Variants in CTSC observed in about 807,000 individuals in gnomAD.
The protein encoded by CTSC is dipeptidyl peptidase 1.
Under a neutral mutation model 40.9 loss-of-function variants are expected in CTSC, and 37 were observed. The ratio of observed to expected loss-of-function variants is 0.91; its 90% CI spans 0.70 to 1.19. The LOEUF (loss-of-function observed/expected upper bound fraction) is 1.19, where lower values mean the gene tolerates loss of function less well. Among genes scored for constraint, CTSC ranks in the 50% most tolerant of loss-of-function variants. CTSC has a pLI of 0.00. For missense variants in CTSC, 594 were observed against 567.3 expected, an observed-to-expected ratio of 1.05 and a Z score of -0.48; for synonymous variants, 232 against 207.4, an observed-to-expected ratio of 1.12 and a Z score of -1.02.
chr11:88,329,749 CAG>C (rs1361050157), intron 2 of CTSC, among the ~76,000 whole-genome samples: 7 of 152,128 alleles, frequency 4.6e-5, no homozygotes, highest in Non-Finnish European at 1.0e-4. Flanking sequence ...TGTTTGGAGA[CAG>C]AGTCTCACGC....
At chr11:88,337,430 T>C (rs1938530655) in intron 1 of CTSC, 71 bp downstream of exon 1, 5 of 1,461,436 alleles carry the variant, frequency 3.4e-6, no homozygotes, top group Admixed American at 2.0e-5. Context: ...AAGCGGTAGT[T>C]GGCGTGGCGC....
rs1442974773 is a variant in CTSC, at chr11:88,336,581, A to C, written c.172+920T>G. ...AAGTTACAATGTTCAGGATTATGAAATGCTATACAGTCAGTTAAAAAGGTA... is the reference window on the plus strand; with the variant it reads ...AAGTTACAATGTTCAGGATTATGAACTGCTATACAGTCAGTTAAAAAGGTA... On this transcript the variant is annotated intron_variant, in intron 1 of 6. Transcript: ENST00000227266. 2.6e-5 allele frequency among the ~76,000 whole-genome samples: 4 copies of C among 152,104 alleles called. No individual in the cohort carries two copies. In the East Asian group the frequency reaches 7.7e-4, roughly 29 times the overall value.
In CTSC at chr11:88,293,735, T is replaced by G. The variant is rs1339949209; in HGVS notation, c.*271A>C. ...ATTGATTTTAAAAAATATAGCATGT[T>G]TGAATTACAAATGATTAAGCAAACT... On this transcript the variant is annotated 3_prime_UTR_variant, in exon 7 of 7. Transcript: ENST00000227266. 1 of 455,546 alleles carries G rather than the reference T, an allele frequency of 2.2e-6. No individual in the cohort carries two copies. Among genetic ancestry groups the G allele is most frequent in the Non-Finnish European group, 4.0e-6 (1 of 252,848 alleles). 28.2% of individuals were successfully genotyped at this position (455,546 alleles called of 1,614,324 possible).
chr11:88,302,495 G>A (rs995087621), intron 4 of CTSC, among the ~76,000 whole-genome samples: 6 of 151,500 alleles, frequency 4.0e-5, no homozygotes, highest in Admixed American at 2.0e-4. Flanking sequence ...GCGTGGTGGC[G>A]GGTGCCTGTA....
At chr11:88,297,992 T>C (rs1944316483) in intron 5 of CTSC, 1 of 152,192 alleles carries the variant, frequency 6.6e-6, no homozygotes, top group South Asian at 2.1e-4. Context: ...GAGTCAGGAT[T>C]CTTTTTTTTC....
intron 4 of CTSC, 53 bp from the exon 5 acceptor site, chr11:88,300,698 G>A: frequency 8.8e-7 from 1 of 1,136,336 alleles, no homozygotes; most frequent in Non-Finnish European, 1.3e-6. Flanking sequence ...CTTTGAGGAT[G>A]ATTTCCTAAA....
chr11:88,332,282 TA>T (rs1263581497), intron 2 of CTSC, among the ~76,000 whole-genome samples: 1 of 152,252 alleles, frequency 6.6e-6, no homozygotes, highest in Non-Finnish European at 1.5e-5. Context: ...AATTTTAATG[TA>T]AAAGATGCTT....
In CTSC at chr11:88,294,243, C is replaced by A; in HGVS notation, c.1155G>T (p.Lys385Asn). 1 of 1,613,988 alleles carries A rather than the reference C, an allele frequency of 6.2e-7. No individual in the cohort carries two copies. The highest frequency in any genetic ancestry group is 8.5e-7 in the Non-Finnish European group (1 of 1,180,010). Residue 385 changes from lysine to asparagine, a missense_variant, in exon 7 of 7, where the codon AAG (lysine) becomes AAT (asparagine). Transcript: ENST00000227266. ...TTAGACCAGTGTGGTGGTAGATCCCCTTTTTGTAGTGGAGGAAGTCATCAT... is the reference window on the plus strand; with the variant it reads ...TTAGACCAGTGTGGTGGTAGATCCCATTTTTGTAGTGGAGGAAGTCATCAT... ...EVYDDFLHYK[K>N]GIYHHTGLRD...
intron 6 of CTSC, 129 bp downstream of exon 6, chr11:88,296,004 C>T: frequency 2.1e-6 from 2 of 969,678 alleles, no homozygotes. Context: ...TAGGGCCAGA[C>T]TTGCACTCAG....
At chr11:88,295,415 G>T (rs528622579) in intron 6 of CTSC, among the ~76,000 whole-genome samples, 1 of 151,210 alleles carries the variant, frequency 6.6e-6, no homozygotes, top group Admixed American at 6.6e-5. Flanking sequence ...GCCTCACTCC[G>T]TTTGCCCAGG....
intron 2 of CTSC, chr11:88,326,284 A>C (rs1319259832): frequency 9.4e-6 from 15 of 1,597,084 alleles, no homozygotes; most frequent in Non-Finnish European, 1.3e-5. Flanking sequence ...TGCATTTTGC[A>C]TGCAAATAAA....
At chr11:88,313,361 A>C (rs891569099) in intron 2 of CTSC, among the ~76,000 whole-genome samples, 2 of 152,140 alleles carry the variant, frequency 1.3e-5, no homozygotes, top group East Asian at 3.9e-4. Flanking sequence ...AGCCACAGTG[A>C]AACAGAATCC....
At position 88,296,257 on chromosome 11, in the gene CTSC, A is replaced by G; in HGVS notation, c.765T>C (p.Cys255=). The change falls in exon 6 of 7, where the codon TGT becomes TGC. Residue 255 remains cysteine, a synonymous_variant. Transcript: ENST00000227266. ...TAGAAGCAAATGAGTAGCAGCTGCC[A>G]CAGGATGCTGGCGATGAAAAAAAGA... The part of the protein sequence containing the change: ...FVSPVRNQAS[C]GSCYSFASMG... 1 of 1,613,932 alleles carries G rather than the reference A, an allele frequency of 6.2e-7. No individual in the cohort carries two copies. The highest frequency in any genetic ancestry group is 8.5e-7 in the Non-Finnish European group (1 of 1,179,864).
intron 2 of CTSC, among the ~76,000 whole-genome samples, chr11:88,326,762 T>G (rs1018531964): frequency 1.3e-5 from 2 of 152,212 alleles, no homozygotes; most frequent in Non-Finnish European, 2.9e-5. Flanking sequence ...CTTAGATACA[T>G]TAACATGTAT....
At position 88,334,982 on chromosome 11, in the gene CTSC, G is replaced by C. The variant is rs562117783; in HGVS notation, c.273C>G (p.Gly91=). The change falls in exon 2 of 7, where the codon GGC becomes GGG. Residue 91 remains glycine (G), a synonymous_variant. Transcript: ENST00000227266. ...SGHFTIIYNQ[G]FEIVLNDYKW... ...TGTAGTCATTCAACACAATCTCAAA[G>C]CCTTGGTTGTAAATGATGGTGAAAT... 6.2e-7 allele frequency: 1 copy of C among 1,612,136 alleles called. No homozygotes were observed. Among genetic ancestry groups the C allele is most frequent in the Non-Finnish European group, 8.5e-7 (1 of 1,178,576 alleles).
In CTSC at chr11:88,300,521, T is replaced by C. The variant is rs774341616; in HGVS notation, c.757+9A>G. On this transcript the variant is annotated intron_variant, in intron 5 of 6. Transcript: ENST00000227266. ...CAAATTAACAAAAAACTTAGGCTTA[T>C]TTTTTTACCTTGGTTTCGAACAGGA... 1.9e-6 allele frequency: 3 copies of C among 1,542,860 alleles called. No individual in the cohort carries two copies. Among genetic ancestry groups the C allele is most frequent in the African/African-American group, 2.7e-5 (2 of 73,520 alleles).
At chr11:88,331,104 A>G (rs1938343106) in intron 2 of CTSC, among the ~76,000 whole-genome samples, 1 of 152,128 alleles carries the variant, frequency 6.6e-6, no homozygotes, top group African/African-American at 2.4e-5. Flanking sequence ...CAATCAATAC[A>G]AAAGACTTCG....
intron 2 of CTSC, chr11:88,334,628 C>A: frequency 3.2e-6 from 1 of 314,792 alleles, no homozygotes; most frequent in Non-Finnish European, 6.0e-6. Flanking sequence ...ATGACTATGG[C>A]AACATTTAGA....
intron 2 of CTSC, chr11:88,320,993 A>G: frequency 1.0e-6 from 1 of 985,322 alleles, no homozygotes; most frequent in Non-Finnish European, 1.2e-6. Context: ...AAGCCTTATT[A>G]TATTCAGGGA....
Sources: gnomAD v4.1 joint callset for allele counts (sites outside exome capture counted in the v4.1 genomes callset) on GRCh38, gnomAD v4.1.1 for gene constraint, MANE v1.5 for transcripts, NCBI Gene and HGNC (gene_info 2026-07-23, HGNC 2026-07-21) for gene names.